HHLA2: variants seen among roughly 807,000 people sequenced by gnomAD.
HHLA2 encodes HHLA2 member of B7 family, also known as HERV-H LTR-associating protein 2.
HHLA2 carries 48 observed loss-of-function variants against 45.9 expected under a neutral mutation model. The observed-to-expected ratio is 1.05, with a 90% confidence interval of 0.83 to 1.33. The LOEUF (loss-of-function observed/expected upper bound fraction) is 1.33, where lower values mean the gene tolerates loss of function less well. HHLA2 is among the 40% of genes most tolerant of loss of function. The probability of loss-of-function intolerance (pLI) is 0.00; values close to 1 mark genes in which losing one functional copy is unlikely to be tolerated. For missense variants in HHLA2, 462 were observed against 494.3 expected (o/e 0.93, Z 0.62); for synonymous variants, 161 against 173.9 (o/e 0.93, Z 0.59).
At chr3:108,348,124 G>A (rs894022537) in intron 3 of HHLA2, among the ~76,000 whole-genome samples, 3 of 151,954 alleles carry the variant, frequency 2.0e-5, no homozygotes, top group Non-Finnish European at 4.4e-5. Flanking sequence ...CCTAAGGAGA[G>A]AATAGAGAGA....
chr3:108,328,340 C>A, exon 3 of HHLA2: 2 of 1,530,270 alleles, frequency 1.3e-6, no homozygotes, highest in Non-Finnish European at 1.7e-6. Context: ...TAGAACGCAC[C>A]TCCTCTGGTA....
At chr3:108,323,614 A>G (rs914162458) in intron 2 of HHLA2, among the ~76,000 whole-genome samples, 52 of 152,132 alleles carry the variant, frequency 3.4e-4, no homozygotes, top group African/African-American at 1.2e-3. Flanking sequence ...AATCCGTACT[A>G]TGTTCTAATT....
intron 8 of HHLA2, among the ~76,000 whole-genome samples, chr3:108,369,791 G>C (rs952900322): frequency 6.6e-6 from 1 of 152,220 alleles, no homozygotes; most frequent in African/African-American, 2.4e-5. Context: ...GCCGAGGCTT[G>C]AGTAGGTAAA....
At chr3:108,325,331 G>T (rs1433012622) in intron 2 of HHLA2, among the ~76,000 whole-genome samples, 1 of 152,152 alleles carries the variant, frequency 6.6e-6, no homozygotes, top group African/African-American at 2.4e-5. Flanking sequence ...CACAAATATA[G>T]TTCTTCAGTT....
At chr3:108,345,950 T>C (rs1321189944) in intron 3 of HHLA2, among the ~76,000 whole-genome samples, 1 of 152,200 alleles carries the variant, frequency 6.6e-6, no homozygotes, top group African/African-American at 2.4e-5. Flanking sequence ...CTGTGGAGCA[T>C]GTCTAGAGAT....
At chr3:108,323,075 AC>A (rs1456157175) in intron 2 of HHLA2, among the ~76,000 whole-genome samples, 6 of 138,534 alleles carry the variant, frequency 4.3e-5, no homozygotes, top group African/African-American at 8.1e-5. Flanking sequence ...TTTTGACCTC[AC>A]CTCTTTTTCT....
At chr3:108,374,324 T>C (rs1037044777) in intron 8 of HHLA2, among the ~76,000 whole-genome samples, 14 of 151,868 alleles carry the variant, frequency 9.2e-5, no homozygotes, top group African/African-American at 3.4e-4. Context: ...ATACAAAAAT[T>C]AATTCAAGAT....
At chr3:108,312,465 C>T (rs1439031895) in intron 2 of HHLA2, among the ~76,000 whole-genome samples, 2 of 152,194 alleles carry the variant, frequency 1.3e-5, no homozygotes, top group East Asian at 3.9e-4. Context: ...TGCACCCAAA[C>T]TCCAGCTGCT....
chr3:108,306,820 A>G (rs2080938365), intron 1 of HHLA2, among the ~76,000 whole-genome samples: 1 of 151,578 alleles, frequency 6.6e-6, no homozygotes, highest in African/African-American at 2.4e-5. Flanking sequence ...ATATTTTTCT[A>G]TTTTATTTCC....
At chr3:108,343,085 G>A (rs2081603699) in intron 3 of HHLA2, among the ~76,000 whole-genome samples, 1 of 152,202 alleles carries the variant, frequency 6.6e-6, no homozygotes, top group South Asian at 2.1e-4. Flanking sequence ...ATGGCAGCAA[G>A]GATGTTAAAA....
At chr3:108,370,932 A>G (rs1179442382) in intron 8 of HHLA2, among the ~76,000 whole-genome samples, 2 of 152,212 alleles carry the variant, frequency 1.3e-5, no homozygotes, top group African/African-American at 4.8e-5. Flanking sequence ...ATATCCTGCA[A>G]TCTAGCAAGG....
At chr3:108,372,017 A>C (rs1194213521) in intron 8 of HHLA2, among the ~76,000 whole-genome samples, 2 of 152,242 alleles carry the variant, frequency 1.3e-5, no homozygotes, top group Non-Finnish European at 2.9e-5. Context: ...AATCAACAGA[A>C]TATACATTCT....
At chr3:108,352,019 G>A in intron 4 of HHLA2, 142 bp downstream of exon 3, 1 of 570,866 alleles carries the variant, frequency 1.8e-6, no homozygotes, top group Non-Finnish European at 3.1e-6. Flanking sequence ...GCAAGGAACA[G>A]GCTGGAAGTC....
chr3:108,370,957 A>G (rs529013169), intron 8 of HHLA2, among the ~76,000 whole-genome samples: 3,473 of 152,256 alleles, frequency 0.023, 113 homozygotes, highest in African/African-American at 0.079. Context: ...CCAACACTCA[A>G]ATTCAGGAAA....
intron 6 of HHLA2, 69 bp downstream of exon 5, chr3:108,355,450 CA>C (rs1275183827): frequency 6.7e-6 from 10 of 1,487,216 alleles, no homozygotes; most frequent in East Asian, 2.3e-5. Context: ...GACTGATTTG[CA>C]AAAAAAGAAA....
Position 108,342,075 on chromosome 3 carries a change from C to A in HHLA2, c.-26-9713C>A, listed in dbSNP as rs2081581060. Among the ~76,000 whole-genome samples, 8 of 152,216 alleles carry A rather than the reference C, an allele frequency of 5.3e-5. No homozygotes were observed. In the South Asian group the frequency reaches 1.7e-3, roughly 32 times the overall value. ...ATTTGTCAGTTCTTTTCAATAGAGG[C>A]AGTCGCGTCCTGCAACACAGCTTGA... On this transcript the variant is annotated intron_variant, in intron 3 of 10. Transcript: ENST00000619531.
intron 4 of HHLA2, among the ~76,000 whole-genome samples, 189 bp from the exon 4 acceptor site, chr3:108,353,238 A>G (rs1297882208): frequency 6.6e-6 from 1 of 152,200 alleles, no homozygotes; most frequent in African/African-American, 2.4e-5. Flanking sequence ...CAGATATTCA[A>G]TTAAAATTAA....
intron 1 of HHLA2, among the ~76,000 whole-genome samples, chr3:108,306,608 A>G (rs986090784): frequency 6.6e-6 from 1 of 152,160 alleles, no homozygotes; most frequent in Non-Finnish European, 1.5e-5. Context: ...TTAAGGAAAG[A>G]TTCTCAGAAA....
chr3:108,353,636 A>G (rs778938592), exon 5 of HHLA2: 6 of 1,613,770 alleles, frequency 3.7e-6, no homozygotes, highest in Non-Finnish European at 5.1e-6. Flanking sequence ...TGCAAACAGG[A>G]CATCCCTTTT....
Sources: gnomAD v4.1 joint callset for allele counts (sites outside exome capture counted in the v4.1 genomes callset) on GRCh38, gnomAD v4.1.1 for gene constraint, MANE v1.5 for transcripts, NCBI Gene and HGNC (gene_info 2026-07-23, HGNC 2026-07-21) for gene names.